Variants in UVRAG observed in about 807,000 individuals in gnomAD.
UVRAG encodes the protein UV radiation resistance associated.
Under a neutral mutation model 78.0 loss-of-function variants are expected in UVRAG, and 19 were observed. That is an observed-to-expected ratio of 0.24 (90% CI 0.17 to 0.36). The LOEUF (loss-of-function observed/expected upper bound fraction) is 0.36, where lower values mean the gene tolerates loss of function less well. UVRAG is among the 10% of genes least tolerant of loss of function. The pLI is 1.00. For synonymous variants in UVRAG, 323 were observed against 324.6 expected (o/e 1.00, Z 0.05); for missense variants, 740 against 853.8 (o/e 0.87, Z 1.66).
chr11:75,956,292 C>T lies in UVRAG; in HGVS notation c.594-5152C>T, dbSNP rs569754098. Among the ~76,000 whole-genome samples the T allele has an allele frequency of 4.0e-5, 6 of 151,698 alleles. No homozygotes were observed. The South Asian group carries it at 1.2e-3, about 31-fold the overall frequency. On this transcript the variant is annotated intron_variant, in intron 6 of 14. Transcript: ENST00000356136. ...ATACCTAGGAGTAGAATTGCTGGGTCATAGGTTAAATATATGTTTAACTTA... is the reference window on the plus strand; with the variant it reads ...ATACCTAGGAGTAGAATTGCTGGGTTATAGGTTAAATATATGTTTAACTTA...
chr11:75,948,935 G>A (rs1359822465), intron 6 of UVRAG, among the ~76,000 whole-genome samples: 1 of 152,164 alleles, frequency 6.6e-6, no homozygotes, highest in Admixed American at 6.6e-5. Context: ...ATGTGTATAA[G>A]GCAGGCGTTC....
rs35864936 is a variant in UVRAG, at chr11:75,950,963, TACACACACACACAC to T, written c.594-10453_594-10440del. Reference sequence around the variant, plus strand: ...TTGGATAGAAGTCCTTTGTCAGGTGTACACACACACACACACACACACACACACACACACACACA... The same window carrying T: ...TTGGATAGAAGTCCTTTGTCAGGTGTACACACACACACACACACACACACA... On this transcript the variant is annotated intron_variant, in intron 6 of 14. Coordinates refer to ENST00000356136, the MANE Select transcript of UVRAG (RefSeq NM_003369.4). Among the ~76,000 whole-genome samples the T allele has an allele frequency of 2.4e-4, 33 of 140,054 alleles. 1 individual carries two copies. Among genetic ancestry groups the T allele is most frequent in the East Asian group, 2.1e-3 (10 of 4,732 alleles). 91.9% of individuals were successfully genotyped at this position (140,054 alleles called of 152,430 possible).
At chr11:75,891,207 G>A (rs1490598781) in intron 5 of UVRAG, among the ~76,000 whole-genome samples, 1 of 152,076 alleles carries the variant, frequency 6.6e-6, no homozygotes, top group Non-Finnish European at 1.5e-5. Context: ...TAGCCTGTAA[G>A]CTTTTGAAGG....
intron 6 of UVRAG, among the ~76,000 whole-genome samples, chr11:75,923,056 C>T (rs1007800043): frequency 3.5e-5 from 5 of 142,186 alleles, no homozygotes; most frequent in Non-Finnish European, 4.5e-5. Flanking sequence ...CTTTTTGAGA[C>T]GGAGTTTTGC....
chr11:75,884,223 T>G (rs1565362505), intron 4 of UVRAG, among the ~76,000 whole-genome samples: 1 of 151,364 alleles, frequency 6.6e-6, no homozygotes, highest in African/African-American at 2.4e-5. Context: ...TCTCTCTCTC[T>G]CTCTCTCTCT....
chr11:76,132,753 A>G (rs886392360), intron 14 of UVRAG, among the ~76,000 whole-genome samples: 3 of 152,184 alleles, frequency 2.0e-5, no homozygotes, highest in Non-Finnish European at 1.5e-5. Context: ...CAAAAGAGCA[A>G]CACAAACTTA....
chr11:75,952,215 A>G (rs1187895824), intron 6 of UVRAG, among the ~76,000 whole-genome samples: 1 of 152,202 alleles, frequency 6.6e-6, no homozygotes, highest in Non-Finnish European at 1.5e-5. Context: ...ATACACAATC[A>G]TAGCACCTTT....
At chr11:75,879,675 T>G (rs576582698) in intron 3 of UVRAG, among the ~76,000 whole-genome samples, 1 of 152,352 alleles carries the variant, frequency 6.6e-6, no homozygotes, top group Non-Finnish European at 1.5e-5. Context: ...TTCTAATGAC[T>G]ATAATAAGTA....
intron 11 of UVRAG, among the ~76,000 whole-genome samples, chr11:76,011,455 T>C (rs1340337456): frequency 6.6e-6 from 1 of 152,076 alleles, no homozygotes; most frequent in African/African-American, 2.4e-5. Flanking sequence ...GAAACACTGT[T>C]TCTACTAAAA....
intron 3 of UVRAG, among the ~76,000 whole-genome samples, chr11:75,877,905 C>T (rs1193573816): frequency 6.1e-4 from 88 of 143,212 alleles, no homozygotes; most frequent in African/African-American, 2.1e-3. Context: ...GCTGGCCTGG[C>T]GGGGGGCTGA....
chr11:76,009,789 C>T (rs537918322), intron 11 of UVRAG, among the ~76,000 whole-genome samples: 20 of 152,226 alleles, frequency 1.3e-4, no homozygotes, highest in Non-Finnish European at 2.4e-4. Flanking sequence ...TCCTGATTGC[C>T]CCTGTATAAA....
intron 12 of UVRAG, among the ~76,000 whole-genome samples, chr11:76,035,918 T>A (rs1343842707): frequency 6.6e-6 from 1 of 152,182 alleles, no homozygotes; most frequent in African/African-American, 2.4e-5. Flanking sequence ...CCTTGTCTCA[T>A]GAGTAAATAC....
chr11:76,025,255 C>A (rs561288830), intron 12 of UVRAG, among the ~76,000 whole-genome samples: 1 of 152,258 alleles, frequency 6.6e-6, no homozygotes, highest in East Asian at 1.9e-4. Context: ...CCACTTCTTT[C>A]ACTGAGGACT....
chr11:75,865,907 G>A (rs576360030), intron 3 of UVRAG, among the ~76,000 whole-genome samples: 7 of 152,152 alleles, frequency 4.6e-5, no homozygotes, highest in African/African-American at 9.6e-5. Context: ...GAGCCACCAC[G>A]CCTGGCCAGG....
At chr11:75,852,204 A>G (rs1345513700) in intron 2 of UVRAG, among the ~76,000 whole-genome samples, 3 of 152,256 alleles carry the variant, frequency 2.0e-5, no homozygotes, top group Non-Finnish European at 2.9e-5. Context: ...TGAGCCTTAC[A>G]TTGATACGTT....
At chr11:75,937,643 T>G (rs139539305) in intron 6 of UVRAG, among the ~76,000 whole-genome samples, 1 of 152,164 alleles carries the variant, frequency 6.6e-6, no homozygotes, top group Admixed American at 6.5e-5. Context: ...CTTTATGTAG[T>G]GTGTCTTTTT....
chr11:76,002,683 A>G (rs1378993750), intron 8 of UVRAG, among the ~76,000 whole-genome samples: 3 of 152,214 alleles, frequency 2.0e-5, no homozygotes, highest in Non-Finnish European at 4.4e-5. Context: ...TTGTGGGCTA[A>G]AAAGTTAAGT....
At chr11:75,882,412 C>T (rs551644055) in intron 4 of UVRAG, among the ~76,000 whole-genome samples, 2 of 151,758 alleles carry the variant, frequency 1.3e-5, no homozygotes, top group East Asian at 3.9e-4. Flanking sequence ...ACTCAGGAGG[C>T]TGAGGTGGGA....
intron 13 of UVRAG, among the ~76,000 whole-genome samples, chr11:76,093,739 T>A (rs980587629): frequency 6.6e-6 from 1 of 152,202 alleles, no homozygotes; most frequent in African/African-American, 2.4e-5. Context: ...AGTTACTTAT[T>A]GGCTTAAAGA....
Sources: gnomAD v4.1 joint callset for allele counts (sites outside exome capture counted in the v4.1 genomes callset) on GRCh38, gnomAD v4.1.1 for gene constraint, MANE v1.5 for transcripts, NCBI Gene and HGNC (gene_info 2026-07-23, HGNC 2026-07-21) for gene names.